AFF3: variants seen among roughly 807,000 people sequenced by gnomAD.
AFF3 encodes the protein ALF transcription elongation factor 3.
Under a neutral mutation model 129.7 loss-of-function variants are expected in AFF3, and 32 were observed. That is an observed-to-expected ratio of 0.25 (90% CI 0.19 to 0.33). The LOEUF (loss-of-function observed/expected upper bound fraction) is 0.33, where lower values mean the gene tolerates loss of function less well. AFF3 is among the 10% of genes least tolerant of loss of function. The probability of loss-of-function intolerance (pLI) is 1.00; values close to 1 mark genes in which losing one functional copy is unlikely to be tolerated. For missense variants in AFF3, 1,373 were observed against 1,592.0 expected (o/e 0.86, Z 2.34); for synonymous variants, 644 against 635.4 (o/e 1.01, Z -0.20).
chr2:99,767,306 A>G (rs1349850773), intron 8 of AFF3, among the ~76,000 whole-genome samples: 1 of 152,198 alleles, frequency 6.6e-6, no homozygotes, highest in Non-Finnish European at 1.5e-5. Flanking sequence ...CATGGTTCTG[A>G]TGGGTCTAAT....
intron 10 of AFF3, among the ~76,000 whole-genome samples, chr2:99,743,736 CTGAT>C (rs1182055658): frequency 1.3e-5 from 2 of 152,136 alleles, no homozygotes. Context: ...TTAAGGTCTA[CTGAT>C]TGATTTTCTT....
chr2:99,901,929 C>T, intron 7 of AFF3, among the ~76,000 whole-genome samples: 1 of 151,402 alleles, frequency 6.6e-6, no homozygotes, highest in African/African-American at 2.4e-5. Context: ...TCTTTCAGCT[C>T]CTGTCACAAC....
intron 8 of AFF3, among the ~76,000 whole-genome samples, chr2:99,762,668 C>T (rs1010383443): frequency 5.3e-5 from 8 of 152,202 alleles, no homozygotes; most frequent in African/African-American, 1.9e-4. Context: ...CAAGAAATTA[C>T]ACTGGTTTCA....
intron 7 of AFF3, among the ~76,000 whole-genome samples, chr2:99,931,326 T>C (rs1401132378): frequency 6.6e-6 from 1 of 152,218 alleles, no homozygotes; most frequent in Admixed American, 6.5e-5. Context: ...AGAATTAGGC[T>C]GGTGCAAAAG....
At chr2:99,659,693 T>C (rs541783743) in intron 12 of AFF3, among the ~76,000 whole-genome samples, 3 of 152,148 alleles carry the variant, frequency 2.0e-5, no homozygotes, top group Admixed American at 2.0e-4. Flanking sequence ...AGAGATGACA[T>C]GTCAGAGTGA....
chr2:99,738,129 C>T lies in AFF3; in HGVS notation c.1039+5975G>A, dbSNP rs182854349. On this transcript the variant is annotated intron_variant, in intron 10 of 24. Coordinates refer to ENST00000672756, the MANE Select transcript of AFF3 (RefSeq NM_001386135.1). ...AATTAGGAGTCTGATTCTCCGCTGT[C>T]CTGTTTGTTCTTGCTCTTGCTCGTG... 2.5e-3 allele frequency among the ~76,000 whole-genome samples: 382 copies of T among 152,146 alleles called. 5 individuals are homozygous for T. Among genetic ancestry groups the T allele is most frequent in the African/African-American group, 8.9e-3 (369 of 41,466 alleles).
At chr2:99,676,964 T>C (rs1050094643) in intron 11 of AFF3, among the ~76,000 whole-genome samples, 1 of 152,082 alleles carries the variant, frequency 6.6e-6, no homozygotes, top group African/African-American at 2.4e-5. Context: ...TGAAATAAAA[T>C]AGGTACTAAA....
chr2:99,731,003 G>C (rs1176128689), intron 10 of AFF3, among the ~76,000 whole-genome samples: 1 of 152,072 alleles, frequency 6.6e-6, no homozygotes, highest in African/African-American at 2.4e-5. Context: ...GCCCAGACTG[G>C]AGTGCAGTGG....
intron 11 of AFF3, among the ~76,000 whole-genome samples, chr2:99,722,257 T>C (rs777005740): frequency 9.9e-5 from 15 of 152,218 alleles, no homozygotes; most frequent in Non-Finnish European, 1.9e-4. Context: ...ACAGTGGCTA[T>C]TTTTTCTCTT....
intron 10 of AFF3, among the ~76,000 whole-genome samples, chr2:99,729,742 T>C (rs1543254): frequency 0.56 from 84,688 of 150,102 alleles, 24,167 homozygotes; most frequent in East Asian, 0.7. Context: ...TAGTTGGGTG[T>C]GCAGGAGATG....
intron 10 of AFF3, among the ~76,000 whole-genome samples, chr2:99,735,096 T>C (rs1680143077): frequency 5.3e-5 from 8 of 152,198 alleles, no homozygotes; most frequent in Admixed American, 5.2e-4. Flanking sequence ...ATATAAAACA[T>C]ATACATATAT....
At chr2:99,621,358 A>G (rs115507950) in intron 13 of AFF3, among the ~76,000 whole-genome samples, 3,022 of 152,294 alleles carry the variant, frequency 0.02, 107 homozygotes, top group African/African-American at 0.068. Context: ...AGGAGTCTAG[A>G]TAATTCTCAT....
chr2:99,552,422 C>T (rs554327774), intron 24 of AFF3, among the ~76,000 whole-genome samples: 2 of 152,254 alleles, frequency 1.3e-5, no homozygotes, highest in South Asian at 4.1e-4. Flanking sequence ...TGTACCAAGG[C>T]ACTCTGCTAG....
chr2:99,692,404 G>A lies in AFF3; in HGVS notation c.1092-19815C>T, dbSNP rs549544756. 2.0e-4 allele frequency among the ~76,000 whole-genome samples: 30 copies of A among 152,260 alleles called. No individual in the cohort carries two copies. The South Asian group carries it at 5.8e-3, about 29-fold the overall frequency. On this transcript the variant is annotated intron_variant, in intron 11 of 24. Coordinates refer to ENST00000672756, the MANE Select transcript of AFF3 (RefSeq NM_001386135.1). ...TCACTCTCTCATCTTATTAATGGCG[G>A]CAAGAGTTGGGAAGATGTCACAGCA...
intron 7 of AFF3, among the ~76,000 whole-genome samples, chr2:99,967,536 C>T (rs1202122982): frequency 1.3e-5 from 2 of 152,232 alleles, no homozygotes; most frequent in African/African-American, 2.4e-5. Context: ...TCTCTTCCCA[C>T]CTCCACATTC....
chr2:99,784,193 G>A (rs139696825), intron 8 of AFF3, among the ~76,000 whole-genome samples: 1 of 152,202 alleles, frequency 6.6e-6, no homozygotes, highest in Non-Finnish European at 1.5e-5. Context: ...TCAGAACCAA[G>A]CCCAGATAGC....
At chr2:100,107,609 C>A in intron 2 of AFF3, 1 of 673,862 alleles carries the variant, frequency 1.5e-6, no homozygotes, top group Non-Finnish European at 1.8e-6. Flanking sequence ...GGAGCTGAAT[C>A]AAACCACCCA....
At chr2:99,861,410 G>A (rs1241711394) in intron 7 of AFF3, among the ~76,000 whole-genome samples, 1 of 152,188 alleles carries the variant, frequency 6.6e-6, no homozygotes, top group Non-Finnish European at 1.5e-5. Flanking sequence ...GTCACTCTCT[G>A]TGTTTCAGTT....
intron 13 of AFF3, among the ~76,000 whole-genome samples, chr2:99,602,309 C>T (rs1054472165): frequency 5.3e-5 from 8 of 152,158 alleles, no homozygotes; most frequent in Non-Finnish European, 8.8e-5. Flanking sequence ...GACACACTTT[C>T]GTATATTCCG....
Sources: gnomAD v4.1 joint callset for allele counts (sites outside exome capture counted in the v4.1 genomes callset) on GRCh38, gnomAD v4.1.1 for gene constraint, MANE v1.5 for transcripts, NCBI Gene and HGNC (gene_info 2026-07-23, HGNC 2026-07-21) for gene names.